The following RIMS1 variants were observed in gnomAD, a reference collection of about 807,000 sequenced individuals.
RIMS1 encodes regulating synaptic membrane exocytosis protein 1.
Under a neutral mutation model 214.1 loss-of-function variants are expected in RIMS1, and 83 were observed. That is an observed-to-expected ratio of 0.39 (90% CI 0.32 to 0.47). RIMS1 has a LOEUF of 0.47. Among genes scored for constraint, RIMS1 ranks in the 20% least tolerant of loss-of-function variants. RIMS1 has a pLI of 0.99. For synonymous variants in RIMS1, 793 were observed against 786.8 expected, an observed-to-expected ratio of 1.01 and a Z score of -0.13; for missense variants, 2,050 against 2,161.8, an observed-to-expected ratio of 0.95 and a Z score of 1.03.
At chr6:72,197,507 A>T (rs2051184729) in intron 6 of RIMS1, among the ~76,000 whole-genome samples, 2 of 152,094 alleles carry the variant, frequency 1.3e-5, no homozygotes, top group Admixed American at 1.3e-4. Flanking sequence ...AAACACACAA[A>T]TATTCTGTGT....
At chr6:71,907,496 T>TA (rs1265812361) in intron 1 of RIMS1, among the ~76,000 whole-genome samples, 1 of 152,166 alleles carries the variant, frequency 6.6e-6, no homozygotes, top group African/African-American at 2.4e-5. Context: ...AATGTAGGTC[T>TA]AATGTGGACT....
chr6:72,090,712 A>G (rs1323926055), intron 2 of RIMS1, among the ~76,000 whole-genome samples: 2 of 152,184 alleles, frequency 1.3e-5, no homozygotes, highest in African/African-American at 2.4e-5. Context: ...ATTTATATTT[A>G]TGTATAACTT....
chr6:72,333,544 A>T, intron 28 of RIMS1, 56 bp from the exon 29 acceptor site: 1 of 1,293,414 alleles, frequency 7.7e-7, no homozygotes, highest in Non-Finnish European at 1.1e-6. Flanking sequence ...TTAGAATTTC[A>T]GTGATGCTGA....
intron 28 of RIMS1, among the ~76,000 whole-genome samples, chr6:72,318,438 C>T (rs1283331767): frequency 6.6e-6 from 1 of 152,042 alleles, no homozygotes; most frequent in East Asian, 1.9e-4. Flanking sequence ...CCTCTACTTT[C>T]TCCTAGGAAA....
chr6:72,398,874 T>C, intron 32 of RIMS1, 81 bp from the exon 33 acceptor site: 2 of 859,352 alleles, frequency 2.3e-6, no homozygotes, highest in Non-Finnish European at 3.6e-6. Context: ...CATCTCTAAT[T>C]CTCTAATAGG....
At chr6:72,390,787 T>A in intron 30 of RIMS1, 51 bp downstream of exon 30, 1 of 1,588,286 alleles carries the variant, frequency 6.3e-7, no homozygotes, top group Non-Finnish European at 8.6e-7. Context: ...AATTGTGTAC[T>A]AATCAGTAAG....
chr6:71,983,113 T>C (rs9446524), intron 2 of RIMS1, among the ~76,000 whole-genome samples: 16,823 of 152,108 alleles, frequency 0.11, 1,103 homozygotes, highest in East Asian at 0.28. Flanking sequence ...CAAAACGTAC[T>C]TGACCACCCC....
intron 16 of RIMS1, among the ~76,000 whole-genome samples, chr6:72,253,572 A>G (rs1236898161): frequency 6.6e-6 from 1 of 152,136 alleles, no homozygotes; most frequent in East Asian, 1.9e-4. Flanking sequence ...TGCAAATAAG[A>G]AGAAATGAAA....
chr6:71,930,750 G>C (rs576241117), intron 1 of RIMS1, among the ~76,000 whole-genome samples: 3 of 152,120 alleles, frequency 2.0e-5, no homozygotes, highest in South Asian at 4.1e-4. Flanking sequence ...TCTGAAGCTT[G>C]CCTGAAGATT....
At chr6:72,271,666 A>G (rs972152416) in intron 22 of RIMS1, among the ~76,000 whole-genome samples, 4 of 152,108 alleles carry the variant, frequency 2.6e-5, no homozygotes, top group African/African-American at 9.7e-5. Context: ...AAGAGCTGCA[A>G]CATAAGTATC....
intron 2 of RIMS1, among the ~76,000 whole-genome samples, chr6:72,054,755 C>T (rs138814373): frequency 0.073 from 11,130 of 152,126 alleles, 468 homozygotes; most frequent in Middle Eastern, 0.13. Flanking sequence ...ATCCTTTGCC[C>T]ACTCTTTGAT....
At chr6:72,110,593 A>T (rs1376052473) in intron 4 of RIMS1, among the ~76,000 whole-genome samples, 2 of 149,468 alleles carry the variant, frequency 1.3e-5, no homozygotes, top group Non-Finnish European at 3.0e-5. Context: ...CAGCTTAAGG[A>T]GATTTTGGGC....
In RIMS1 at chr6:72,217,358, T is replaced by G. The variant is rs1031256983; in HGVS notation, c.1679-16415T>G. ...TCATTTAGATTCTATCAGTAGAGAA[T>G]AAGGATGTTTTGCTTTATATAAATA... is the stretch of plus-strand genomic sequence containing the variant. On this transcript the variant is annotated intron_variant, in intron 6 of 33. Coordinates refer to ENST00000521978, the MANE Select transcript of RIMS1 (RefSeq NM_014989.7). 7.7e-6 allele frequency: 7 copies of G among 913,366 alleles called. No individual in the cohort carries two copies. In the African/African-American group the frequency reaches 8.4e-5, roughly 11 times the overall value. 56.6% of individuals were successfully genotyped at this position (913,366 alleles called of 1,614,324 possible).
At chr6:72,072,125 A>G (rs1398119463) in intron 2 of RIMS1, among the ~76,000 whole-genome samples, 1 of 152,190 alleles carries the variant, frequency 6.6e-6, no homozygotes, top group Non-Finnish European at 1.5e-5. Context: ...CTGGGTCAGG[A>G]TGATGTTGAA....
intron 29 of RIMS1, among the ~76,000 whole-genome samples, chr6:72,387,010 A>G (rs1417429381): frequency 1.3e-5 from 2 of 152,128 alleles, no homozygotes; most frequent in Non-Finnish European, 2.9e-5. Context: ...CTGGGATTAC[A>G]GGTGTGAGCC....
chr6:72,144,698 CA>C (rs144040042), intron 4 of RIMS1, among the ~76,000 whole-genome samples: 1,695 of 152,020 alleles, frequency 0.011, 9 homozygotes, highest in Non-Finnish European at 0.017. Context: ...GATAATTGCC[CA>C]GAATTAGAAT....
At chr6:72,308,592 A>C (rs1219162623) in intron 27 of RIMS1, among the ~76,000 whole-genome samples, 1 of 152,170 alleles carries the variant, frequency 6.6e-6, no homozygotes, top group Non-Finnish European at 1.5e-5. Flanking sequence ...ATAAAATAAA[A>C]AGAGGTGGCT....
At chr6:72,264,876 T>C (rs2079705534) in intron 19 of RIMS1, 99 bp from the exon 20 acceptor site, 2 of 664,504 alleles carry the variant, frequency 3.0e-6, no homozygotes, top group Middle Eastern at 2.7e-4. Flanking sequence ...AAGATTTATC[T>C]ATATAGCTTT....
At chr6:71,996,609 C>G (rs1390765382) in intron 2 of RIMS1, among the ~76,000 whole-genome samples, 1 of 152,166 alleles carries the variant, frequency 6.6e-6, no homozygotes, top group Non-Finnish European at 1.5e-5. Context: ...ATGACAAGCT[C>G]GTCCATGAGC....
Sources: allele counts gnomAD v4.1 joint callset (sites outside exome capture counted in the v4.1 genomes callset), GRCh38; gene constraint gnomAD v4.1.1; transcripts MANE v1.5; gene names NCBI Gene and HGNC (gene_info 2026-07-23, HGNC 2026-07-21).